BANP: variants seen among roughly 807,000 people sequenced by gnomAD.
BANP encodes the protein protein BANP.
A neutral mutation model predicts 68.1 loss-of-function variants in BANP; 11 were observed. That is an observed-to-expected ratio of 0.16 (90% CI 0.10 to 0.27). The LOEUF (loss-of-function observed/expected upper bound fraction) is 0.27, where lower values mean the gene tolerates loss of function less well. BANP is among the 10% of genes least tolerant of loss of function. BANP has a pLI of 1.00. For synonymous variants in BANP, 329 were observed against 303.2 expected (o/e 1.09, Z -0.88); for missense variants, 504 against 722.7 (o/e 0.70, Z 3.47).
In BANP at chr16:88,018,439, A is replaced by G; in HGVS notation, c.667A>G (p.Asn223Asp). Residue 223 changes from asparagine (N) to aspartate (D), a missense_variant, in exon 7 of 14, where the codon AAT becomes GAT. Asn to Asp is a conservative substitution (Grantham distance 23). Around this residue, in one of 3 missense-constraint regions of BANP, gnomAD observed 43 missense variants for 197.7 expected, o/e 0.22. Coordinates refer to ENST00000682872, the MANE Select transcript of BANP (RefSeq NM_001386991.1). This position sits in a 1 kb window ranked among gnomAD's most constrained non-coding sequence, Gnocchi z 7.7. ...ITLNSEEDYP[N>D]GTWLGDENNP... ...CTTCTGTTTTTCAGAGGACTACCCC[A>G]ATGGCACCTGGCTGGGCGACGAGAA... 1 of 1,612,146 alleles carries G rather than the reference A, an allele frequency of 6.2e-7. No homozygotes were observed. Among genetic ancestry groups the G allele is most frequent in the African/African-American group, 1.3e-5 (1 of 74,920 alleles).
intron 7 of BANP, 123 bp from the exon 8 acceptor site, chr16:88,027,360 C>T (rs1198022323): frequency 1.0e-5 from 11 of 1,075,622 alleles, no homozygotes; most frequent in East Asian, 2.4e-5. Flanking sequence ...AAGACGGGGC[C>T]GGCCTGGCGG....
In BANP at chr16:88,076,880, G is replaced by C. The variant is rs1599220632; in HGVS notation, c.*219G>C. Reference sequence around the variant, plus strand: ...CCCTTTCGTTTGAGTCCTGCTGTTGGTGTCGGAGCACGAGGGGAGGCACGG... The same window carrying C: ...CCCTTTCGTTTGAGTCCTGCTGTTGCTGTCGGAGCACGAGGGGAGGCACGG... On this transcript the variant is annotated 3_prime_UTR_variant, in exon 14 of 14. Coordinates refer to ENST00000682872, the MANE Select transcript of BANP (RefSeq NM_001386991.1). The C allele has an allele frequency of 3.6e-6, 2 of 548,202 alleles. No homozygotes were observed. Among genetic ancestry groups the C allele is most frequent in the East Asian group, 3.1e-5 (1 of 32,744 alleles). The allele number at this position is 548,202 out of a possible 1,614,324, so 34.0% of individuals were successfully genotyped here. A position where few individuals can be genotyped will look rare whatever the true frequency, so the allele number is the denominator to read the frequency against.
intron 8 of BANP, 62 bp downstream of exon 8, chr16:88,027,712 C>T: frequency 1.9e-6 from 3 of 1,589,268 alleles, no homozygotes; most frequent in Non-Finnish European, 2.6e-6. Context: ...CCTGGTGGCA[C>T]CCTCAGGGGC....
chr16:87,962,604 T>G (rs1425775311), intron 1 of BANP, among the ~76,000 whole-genome samples: 3 of 152,164 alleles, frequency 2.0e-5, no homozygotes, highest in Admixed American at 2.0e-4. Flanking sequence ...GCTAATATAT[T>G]CAGGTTTGGA....
At chr16:87,987,735 AAAAAG>A (rs1313567566) in intron 4 of BANP, among the ~76,000 whole-genome samples, 112 of 150,102 alleles carry the variant, frequency 7.5e-4, no homozygotes, top group Middle Eastern at 3.4e-3. Context: ...AAAAAAAAAA[AAAAAG>A]GATGTTATTA....
At chr16:88,044,708 G>A (rs1452199138) in intron 11 of BANP, among the ~76,000 whole-genome samples, 1 of 152,242 alleles carries the variant, frequency 6.6e-6, no homozygotes, top group East Asian at 1.9e-4. Context: ...TATAGGCTGG[G>A]CACGGTGGCT....
chr16:87,952,177 CT>C (rs1233009796), intron 1 of BANP: 31 of 152,230 alleles, frequency 2.0e-4, no homozygotes, highest in Admixed American at 2.0e-3. Context: ...TTTTTCCCCC[CT>C]AGGATGCAGA....
intron 6 of BANP, among the ~76,000 whole-genome samples, chr16:88,012,513 G>C (rs7201508): frequency 0.059 from 9,031 of 152,254 alleles, 357 homozygotes; most frequent in African/African-American, 0.11. Context: ...GTGCAGCCCA[G>C]TGACTCGCAA....
intron 8 of BANP, among the ~76,000 whole-genome samples, chr16:88,032,383 G>A (rs1352983112): frequency 6.6e-6 from 1 of 151,966 alleles, no homozygotes; most frequent in African/African-American, 2.4e-5. Context: ...TGTATTTTTA[G>A]TAGAGATGGG....
At chr16:87,980,261 C>G (rs1450036720) in intron 2 of BANP, among the ~76,000 whole-genome samples, 1 of 152,178 alleles carries the variant, frequency 6.6e-6, no homozygotes, top group Non-Finnish European at 1.5e-5. Context: ...TTGACTAGGT[C>G]TAAGGAAAAG....
intron 1 of BANP, among the ~76,000 whole-genome samples, chr16:87,962,101 G>A (rs186454161): frequency 6.6e-6 from 1 of 151,954 alleles, no homozygotes; most frequent in Non-Finnish European, 1.5e-5. Flanking sequence ...TTAGCCTGGT[G>A]CAGTGGCGTG....
At chr16:88,068,841 C>T (rs1015863547) in intron 12 of BANP, among the ~76,000 whole-genome samples, 2 of 152,124 alleles carry the variant, frequency 1.3e-5, no homozygotes, top group African/African-American at 4.8e-5. Flanking sequence ...CTCTTCCTTT[C>T]TTGGGAAGAA....
chr16:88,062,040 C>T (rs1293884078), intron 11 of BANP, among the ~76,000 whole-genome samples: 1 of 152,228 alleles, frequency 6.6e-6, no homozygotes, highest in Admixed American at 6.5e-5. Context: ...GTTACAGTCT[C>T]AGCCCTCATA....
chr16:88,055,892 C>G (rs559350678), intron 11 of BANP, among the ~76,000 whole-genome samples: 3 of 152,150 alleles, frequency 2.0e-5, no homozygotes, highest in Non-Finnish European at 4.4e-5. Flanking sequence ...TATGGAGAAG[C>G]CTTCTCTACC....
At chr16:87,980,365 G>C (rs189616923) in intron 2 of BANP, among the ~76,000 whole-genome samples, 1 of 152,204 alleles carries the variant, frequency 6.6e-6, no homozygotes, top group African/African-American at 2.4e-5. Context: ...TATCTTTGAC[G>C]TTGTTTTTGT....
rs1214019236 is a variant in BANP, at chr16:88,063,980, G to A, written c.1312-1287G>A. The stretch of plus-strand genomic sequence containing the variant: ...TGATTTTGTTTTGATAAGTTTTTTA[G>A]AAATGAGCGAAACACTTAATGTACA... On this transcript the variant is annotated intron_variant, in intron 11 of 13. Coordinates refer to ENST00000682872, the MANE Select transcript of BANP (RefSeq NM_001386991.1). Among the ~76,000 whole-genome samples, 5 of 152,192 alleles carry A rather than the reference G, an allele frequency of 3.3e-5. No homozygotes were observed. The South Asian group carries it at 8.3e-4, about 25-fold the overall frequency.
chr16:87,985,255 C>A (rs2064126325), intron 4 of BANP, among the ~76,000 whole-genome samples: 1 of 152,094 alleles, frequency 6.6e-6, no homozygotes, highest in Non-Finnish European at 1.5e-5. Context: ...CATGCCGGGG[C>A]TTTTGGAAAC....
chr16:88,007,365 G>T (rs2071535063), intron 6 of BANP, among the ~76,000 whole-genome samples: 3 of 152,146 alleles, frequency 2.0e-5, no homozygotes, highest in African/African-American at 7.2e-5. Flanking sequence ...AGATCTGGAA[G>T]GATGTGAAGC....
At chr16:88,029,415 C>T (rs774162058) in intron 8 of BANP, among the ~76,000 whole-genome samples, 1 of 151,286 alleles carries the variant, frequency 6.6e-6, no homozygotes, top group Non-Finnish European at 1.5e-5. Flanking sequence ...CGAGACCATC[C>T]TGGCTAACAC....
Sources: gnomAD v4.1 joint callset for allele counts (sites outside exome capture counted in the v4.1 genomes callset) on GRCh38, gnomAD v4.1.1 for gene constraint, gnomAD v4.1.1 regional missense constraint, Gnocchi (gnomAD v3.1) non-coding constraint, MANE v1.5 for transcripts, NCBI Gene and HGNC (gene_info 2026-07-23, HGNC 2026-07-21) for gene names.